The following DIPK1A variants were observed in gnomAD, a reference collection of about 807,000 sequenced individuals.
DIPK1A encodes family with sequence similarity 69 member A.
In DIPK1A, 27 loss-of-function variants were observed where a neutral mutation model predicts 40.8. The observed-to-expected ratio is 0.66, with a 90% CI of 0.49 to 0.91. DIPK1A has a LOEUF of 0.91. Among genes scored for constraint, DIPK1A ranks in the 40% least tolerant of loss-of-function variants. The pLI is 0.00. For missense variants in DIPK1A, 412 were observed against 505.7 expected (o/e 0.81, Z 1.78); for synonymous variants, 166 against 171.3 (o/e 0.97, Z 0.24).
intron 1 of DIPK1A, among the ~76,000 whole-genome samples, chr1:92,907,733 T>C (rs1399314841): frequency 6.6e-6 from 1 of 152,162 alleles, no homozygotes; most frequent in Admixed American, 6.5e-5. Flanking sequence ...TGAGCCACCA[T>C]GCGCAGCCTG....
chr1:92,834,060 C>T (rs570909964), intron 4 of DIPK1A: 2 of 275,242 alleles, frequency 7.3e-6, no homozygotes, highest in Non-Finnish European at 1.4e-5. Context: ...TCACACCCAG[C>T]CCTCCAACCT....
downstream of DIPK1A, chr1:92,837,660 T>C (rs1687181437): frequency 6.3e-7 from 1 of 1,591,300 alleles, no homozygotes; most frequent in African/African-American, 1.3e-5. Flanking sequence ...AAAATGCCTA[T>C]ATTGGTTAAT....
intron 1 of DIPK1A, among the ~76,000 whole-genome samples, chr1:92,957,257 A>G (rs1311848364): frequency 6.6e-6 from 1 of 152,244 alleles, no homozygotes; most frequent in African/African-American, 2.4e-5. Context: ...TATCACACCC[A>G]AGCAGGCCAC....
chr1:92,938,728 T>A (rs1315772214), intron 1 of DIPK1A, among the ~76,000 whole-genome samples: 1 of 152,118 alleles, frequency 6.6e-6, no homozygotes, highest in Non-Finnish European at 1.5e-5. Context: ...CTCCCAGAAT[T>A]GTTATTAGGG....
rs1436134259 is a variant in DIPK1A at position 92,847,474 on chromosome 1, A to G, written c.298-115T>C. On this transcript the variant is annotated intron_variant, in intron 3 of 4. Coordinates refer to ENST00000370310, the MANE Select transcript of DIPK1A (RefSeq NM_001006605.5). ...GAACAAAACAAAACAAGCATCAAAC[A>G]TTGAGGTTAAGGTGTGACTTTATTT... 16 of 560,346 alleles carry G rather than the reference A, an allele frequency of 2.9e-5. No homozygotes were observed. The East Asian group carries it at 5.1e-4, about 18-fold the overall frequency. 34.7% of individuals were successfully genotyped at this position (560,346 alleles called of 1,614,324 possible).
At chr1:92,927,368 T>G (rs1294593795) in intron 1 of DIPK1A, among the ~76,000 whole-genome samples, 24 of 143,988 alleles carry the variant, frequency 1.7e-4, no homozygotes, top group Non-Finnish European at 3.3e-4. Flanking sequence ...TTTGTTGTTT[T>G]TTTTTTTTTT....
At chr1:92,867,606 A>G (rs1647615448) in intron 2 of DIPK1A, among the ~76,000 whole-genome samples, 1 of 152,122 alleles carries the variant, frequency 6.6e-6, no homozygotes, top group Non-Finnish European at 1.5e-5. Flanking sequence ...CCCAGGTTCA[A>G]GCGATTCTCC....
At chr1:92,859,232 A>G (rs957556151) in intron 2 of DIPK1A, among the ~76,000 whole-genome samples, 7 of 152,184 alleles carry the variant, frequency 4.6e-5, no homozygotes, top group Non-Finnish European at 1.0e-4. Flanking sequence ...TAAGGAAAAA[A>G]AATAGCTGAG....
At chr1:92,952,075 A>C (rs1651655890) in intron 1 of DIPK1A, among the ~76,000 whole-genome samples, 1 of 151,460 alleles carries the variant, frequency 6.6e-6, no homozygotes, top group Admixed American at 6.6e-5. Flanking sequence ...TAAAAAAAAA[A>C]AAAACACACA....
intron 1 of DIPK1A, among the ~76,000 whole-genome samples, chr1:92,950,116 A>C (rs1651566624): frequency 6.6e-6 from 1 of 152,194 alleles, no homozygotes; most frequent in Admixed American, 6.5e-5. Context: ...AGTATTAAGG[A>C]GGGACTGCTG....
chr1:92,943,649 A>T (rs1438963252), intron 1 of DIPK1A, among the ~76,000 whole-genome samples: 2 of 152,202 alleles, frequency 1.3e-5, no homozygotes, highest in African/African-American at 4.8e-5. Context: ...ACAAGAGTAA[A>T]GTACTCCGCT....
At chr1:92,929,223 A>G (rs1464794209) in intron 1 of DIPK1A, among the ~76,000 whole-genome samples, 1 of 152,194 alleles carries the variant, frequency 6.6e-6, no homozygotes, top group Non-Finnish European at 1.5e-5. Context: ...ATTATGCATA[A>G]TATGTTGTCA....
chr1:92,894,894 G>C (rs1291796664), intron 1 of DIPK1A, among the ~76,000 whole-genome samples: 2 of 152,044 alleles, frequency 1.3e-5, no homozygotes, highest in Non-Finnish European at 2.9e-5. Context: ...AAATAAACTA[G>C]AAAATCTGGA....
At chr1:92,901,285 G>C (rs1649401756) in intron 1 of DIPK1A, among the ~76,000 whole-genome samples, 1 of 151,944 alleles carries the variant, frequency 6.6e-6, no homozygotes, top group African/African-American at 2.4e-5. Context: ...AGATGTAGCA[G>C]TGCTGGGTTC....
chr1:92,920,884 C>T (rs1203412206), intron 1 of DIPK1A, among the ~76,000 whole-genome samples: 1 of 152,110 alleles, frequency 6.6e-6, no homozygotes, highest in Non-Finnish European at 1.5e-5. Context: ...GGTATCAGAG[C>T]ATGGGGGTGG....
chr1:92,836,110 T>C, intron 4 of DIPK1A: 1 of 1,334,826 alleles, frequency 7.5e-7, no homozygotes, highest in South Asian at 1.2e-5. Flanking sequence ...CAGTGGTCCT[T>C]ACGGTTATGA....
intron 4 of DIPK1A, chr1:92,845,472 C>T (rs1456192657): frequency 5.6e-6 from 2 of 359,540 alleles, no homozygotes; most frequent in East Asian, 9.2e-5. Context: ...AGTTCTAGAC[C>T]CGCCTGGGCA....
chr1:92,869,240 C>A (rs1170604688), intron 2 of DIPK1A, among the ~76,000 whole-genome samples: 2 of 151,898 alleles, frequency 1.3e-5, no homozygotes, highest in Non-Finnish European at 2.9e-5. Context: ...TGGCTCACTG[C>A]AGCCTCGACC....
chr1:92,955,481 G>T (rs1277574789), intron 1 of DIPK1A, among the ~76,000 whole-genome samples: 1 of 148,350 alleles, frequency 6.7e-6, no homozygotes, highest in Non-Finnish European at 1.5e-5. Flanking sequence ...GGCAGATCAC[G>T]AGGTCAGGAG....
Sources: allele counts gnomAD v4.1 joint callset (sites outside exome capture counted in the v4.1 genomes callset), GRCh38; gene constraint gnomAD v4.1.1; transcripts MANE v1.5; gene names NCBI Gene and HGNC (gene_info 2026-07-23, HGNC 2026-07-21).